Variants in SLC15A3 observed in about 807,000 individuals in gnomAD.
The protein encoded by SLC15A3 is solute carrier family 15 member 3, also known as osteoclast transporter.
In SLC15A3, 39 loss-of-function variants were observed where a neutral mutation model predicts 49.2. The ratio of observed to expected loss-of-function variants is 0.79; its 90% confidence interval spans 0.61 to 1.04. The LOEUF is 1.04. Ranked by LOEUF, SLC15A3 falls within the 50% of genes least tolerant of loss-of-function variation. The probability of loss-of-function intolerance (pLI) is 0.00; values close to 1 mark genes in which losing one functional copy is unlikely to be tolerated. For synonymous variants in SLC15A3, 339 were observed against 367.0 expected (o/e 0.92, Z 0.87); for missense variants, 758 against 794.8 (o/e 0.95, Z 0.56).
intron 1 of SLC15A3, 34 bp downstream of exon 1, chr11:60,950,960 C>A: frequency 2.1e-6 from 3 of 1,404,544 alleles, no homozygotes; most frequent in Non-Finnish European, 2.8e-6. Context: ...CCACACCCGC[C>A]GGAGTATGCC....
At position 60,937,323 on chromosome 11, in the gene SLC15A3, T is replaced by G; in HGVS notation, c.1642A>C (p.Ile548Leu). The change falls in exon 8 of 8, where the codon ATT becomes CTT. Residue 548 changes from isoleucine (I) to leucine (L), a missense_variant. Around this residue, in one of 3 missense-constraint regions of SLC15A3, gnomAD observed 699 missense variants for 706.7 expected, o/e 0.99. Transcript: ENST00000227880. ...MDLYFFLLAG[I>L]QAVTALLFVW... ...AATAGGAGAGCCGTGACGGCCTGAA[T>G]GCCAGCCAGCAGGAAGAAGTAGAGG... 6.2e-7 allele frequency: 1 copy of G among 1,614,160 alleles called. No individual in the cohort carries two copies. The highest frequency in any genetic ancestry group is 8.5e-7 in the Non-Finnish European group (1 of 1,180,016).
At chr11:60,945,574 C>T (rs1856789382) in intron 2 of SLC15A3, among the ~76,000 whole-genome samples, 1 of 152,224 alleles carries the variant, frequency 6.6e-6, no homozygotes, top group South Asian at 2.1e-4. Flanking sequence ...AAAGCATGTT[C>T]TTCACCTTTT....
rs1368556476 is a variant in SLC15A3 at position 60,938,003 on chromosome 11, C to A, written c.1458G>T (p.Glu486Asp). 6.2e-7 allele frequency: 1 copy of A among 1,613,938 alleles called. No individual in the cohort carries two copies. Among genetic ancestry groups the A allele is most frequent in the African/African-American group, 1.3e-5 (1 of 75,052 alleles). ...TGGCGCCCTGCATGGAGCGCGGGGC[C>A]TCTGAGTAGGCAAACTCCAGGCCTG... ...SIPGLEFAYS[E>D]APRSMQGAIM... Residue 486 changes from glutamate (E) to aspartate (D), a missense_variant, in exon 7 of 8, where the codon GAG (glutamate) becomes GAT (aspartate). Coordinates refer to ENST00000227880, the MANE Select transcript of SLC15A3 (RefSeq NM_016582.3).
In SLC15A3 at chr11:60,937,195, C is replaced by G. The variant is rs1674713257; in HGVS notation, c.*24G>C. 5.6e-6 allele frequency: 9 copies of G among 1,604,046 alleles called. No homozygotes were observed. The highest frequency in any genetic ancestry group is 1.7e-5 in the Admixed American group (1 of 59,558). On this transcript the variant is annotated 3_prime_UTR_variant, in exon 8 of 8. Transcript: ENST00000227880. ...CTGCCGTCTGTCCGGTAGAGTGAAGCAAGGGGGCTGGAATAGGGCCTGTTC... is the reference window on the plus strand; with the variant it reads ...CTGCCGTCTGTCCGGTAGAGTGAAGGAAGGGGGCTGGAATAGGGCCTGTTC...
At chr11:60,949,474 GAGAA>G (rs57577676) in intron 1 of SLC15A3, among the ~76,000 whole-genome samples, 13,619 of 134,494 alleles carry the variant, frequency 0.1, 2,715 homozygotes, top group African/African-American at 0.37. Flanking sequence ...GAGAGAGAAA[GAGAA>G]AGAAAGGAAG....
In SLC15A3 at chr11:60,951,984, C is replaced by G. The variant is rs908867870; in HGVS notation, c.-433G>C. On this transcript the variant is annotated 5_prime_UTR_variant, in exon 1 of 8. Coordinates refer to ENST00000227880, the MANE Select transcript of SLC15A3 (RefSeq NM_016582.3). ...GTCGCCCCTTCCTGTTGTCCCCTCT[C>G]CTTATGACTCCTGGCCTGCCCTGGG... Among the ~76,000 whole-genome samples the G allele has an allele frequency of 6.6e-6, 1 of 151,914 alleles. No individual in the cohort carries two copies.
chr11:60,938,402 C>T lies in SLC15A3; in HGVS notation c.1436-377G>A, dbSNP rs1379573806. Among the ~76,000 whole-genome samples the T allele has an allele frequency of 2.0e-5, 3 of 152,126 alleles. No homozygotes were observed. In the East Asian group the frequency reaches 5.8e-4, roughly 29 times the overall value. On this transcript the variant is annotated intron_variant, in intron 6 of 7. Coordinates refer to ENST00000227880, the MANE Select transcript of SLC15A3 (RefSeq NM_016582.3). Reference sequence around the variant, plus strand: ...ATTGTTTTGATACAGCCTCTGAAATCTATTCTAAATATATGTCCTTCTCTC... The same window carrying T: ...ATTGTTTTGATACAGCCTCTGAAATTTATTCTAAATATATGTCCTTCTCTC...
At chr11:60,945,767 C>T (rs1856792397) in intron 2 of SLC15A3, among the ~76,000 whole-genome samples, 3 of 152,090 alleles carry the variant, frequency 2.0e-5, no homozygotes, top group Non-Finnish European at 2.9e-5. Context: ...CGAGTTTGGC[C>T]GATTTCCTAA....
chr11:60,949,564 G>GAAAAGAAAAGAAAAGA (rs33944083), intron 1 of SLC15A3, among the ~76,000 whole-genome samples: 1 of 117,912 alleles, frequency 8.5e-6, no homozygotes, highest in African/African-American at 3.0e-5. Context: ...AAGAAAGAAA[G>GAAAAGAAAAGAAAAGA]AAAGAAAAGA....
chr11:60,937,225 CCT>C lies in SLC15A3; in HGVS notation c.1738_1739del (p.Arg580GlyfsTer32), dbSNP rs759654512. ...GGGCTGGAATAGGGCCTGTTCAGCC[CCT>C]GTCCCTGCTGAAACGGCTGTGGGAG... ...PASHSRFSRD[R>X]G On this transcript the variant is annotated frameshift_variant, in exon 8 of 8. Coordinates refer to ENST00000227880, the MANE Select transcript of SLC15A3 (RefSeq NM_016582.3). LOFTEE classifies it high-confidence loss of function. The C allele has an allele frequency of 1.9e-6, 3 of 1,613,924 alleles. No individual in the cohort carries two copies. The highest frequency in any genetic ancestry group is 2.5e-6 in the Non-Finnish European group (3 of 1,179,924).
At chr11:60,942,203 C>T in intron 3 of SLC15A3, 58 bp from the exon 4 acceptor site, 1 of 1,444,768 alleles carries the variant, frequency 6.9e-7, no homozygotes. Flanking sequence ...CCTCCCAACT[C>T]CTAGGTGGCA....
chr11:60,940,777 G>T (rs1856696894), intron 5 of SLC15A3: 3 of 162,594 alleles, frequency 1.8e-5, no homozygotes, highest in Admixed American at 6.5e-5. Context: ...GTCTTCATTT[G>T]CCACTAAGTG....
rs780346061 is a variant in SLC15A3 at position 60,951,080 on chromosome 11, C to G, written c.472G>C (p.Ala158Pro). 4.7e-6 allele frequency: 7 copies of G among 1,484,234 alleles called. 1 individual carries two copies. The highest frequency in any genetic ancestry group is 6.2e-6 in the Non-Finnish European group (7 of 1,126,862). The allele number at this position is 1,484,234 out of a possible 1,614,324, so 91.9% of individuals were successfully genotyped here. Residue 158 changes from alanine (A) to proline (P), a missense_variant, in exon 1 of 8, where the codon GCG becomes CCG. By Grantham distance (27) the Ala-to-Pro change is conservative. This residue lies in a region of SLC15A3 where 699 missense variants were observed against 706.7 expected (regional missense o/e 0.99). Transcript: ENST00000227880. ...CPRSSPSPYC[A>P]PVLYAGLLLL... ...AGCAGGCCCGCGTAGAGGACGGGCG[C>G]GCAGTAGGGGCTGGGCGAGGAGCGC...
rs568733264 is a variant in SLC15A3 at position 60,946,544 on chromosome 11, C to T, written c.836G>A (p.Arg279Gln). ...AGCCCCTCCTTACCTGGCCGAGTGT[C>T]GTTGCCACAGCTGGGGGCAGCAGTT... ...LQNCCPQLWQRHSARDRQCAR... is the reference protein window; with the variant it reads ...LQNCCPQLWQQHSARDRQCAR... The change falls in exon 2 of 8, where the codon CGA (arginine) becomes CAA (glutamine). Residue 279 changes from arginine (R) to glutamine (Q), a missense_variant. Physicochemically the swap from Arg to Gln is conservative, Grantham distance 43. This residue lies in a region of SLC15A3 where 699 missense variants were observed against 706.7 expected (regional missense o/e 0.99). Coordinates refer to ENST00000227880, the MANE Select transcript of SLC15A3 (RefSeq NM_016582.3). 1.1e-4 allele frequency: 174 copies of T among 1,565,440 alleles called. No homozygotes were observed. The highest frequency in any genetic ancestry group is 1.4e-4 in the Non-Finnish European group (160 of 1,152,190).
At chr11:60,949,009 T>G (rs1231007071) in intron 1 of SLC15A3, among the ~76,000 whole-genome samples, 1 of 152,138 alleles carries the variant, frequency 6.6e-6, no homozygotes, top group Non-Finnish European at 1.5e-5. Flanking sequence ...TGGGGGTCTC[T>G]AGGTCAGAAA....
intron 7 of SLC15A3, 121 bp downstream of exon 7, chr11:60,937,749 A>G (rs1856641104): frequency 1.5e-6 from 2 of 1,310,400 alleles, no homozygotes; most frequent in Non-Finnish European, 2.1e-6. Flanking sequence ...CTAGAACCCC[A>G]TTCTCCCAAG....
rs1590634329 is a variant in SLC15A3, at chr11:60,937,944, C to T, written c.1517G>A (p.Gly506Asp). 7.4e-6 allele frequency: 12 copies of T among 1,614,210 alleles called. No individual in the cohort carries two copies. The highest frequency in any genetic ancestry group is 9.3e-6 in the Non-Finnish European group (11 of 1,180,018). ...MGIFFCLSGV[G>D]SLLGSSLVAL... ...CACTAGGCTGGAGCCCAACAGTGAG[C>T]CCACCCCCGACAGGCAGAAGAAGAT... The change falls in exon 7 of 8, where the codon GGC becomes GAC. Residue 506 changes from glycine (G) to aspartate (D), a missense_variant. Physicochemically the swap from Gly to Asp is moderately conservative, Grantham distance 94 (BLOSUM62 -1). Around this residue, in one of 3 missense-constraint regions of SLC15A3, gnomAD observed 699 missense variants for 706.7 expected, o/e 0.99. Coordinates refer to ENST00000227880, the MANE Select transcript of SLC15A3 (RefSeq NM_016582.3).
intron 1 of SLC15A3, among the ~76,000 whole-genome samples, chr11:60,950,757 C>T (rs1003467078): frequency 2.0e-5 from 3 of 152,256 alleles, no homozygotes; most frequent in Non-Finnish European, 4.4e-5. Context: ...CGCCATTGCA[C>T]TGCAGCCTGG....
chr11:60,942,222 C>T (rs996731028), intron 3 of SLC15A3, 77 bp from the exon 4 acceptor site: 71 of 1,218,528 alleles, frequency 5.8e-5, no homozygotes, highest in African/African-American at 1.8e-4. Context: ...CATTCCTCAG[C>T]GCCGTACCAC....
Sources: gnomAD v4.1 joint callset for allele counts (sites outside exome capture counted in the v4.1 genomes callset) on GRCh38, gnomAD v4.1.1 for gene constraint, gnomAD v4.1.1 regional missense constraint, MANE v1.5 for transcripts, NCBI Gene and HGNC (gene_info 2026-07-23, HGNC 2026-07-21) for gene names.